The following TPR variants were observed in gnomAD, a reference collection of about 807,000 sequenced individuals.
TPR encodes the protein nucleoprotein TPR.
A neutral mutation model predicts 316.1 loss-of-function variants in TPR; 51 were observed. The observed-to-expected ratio is 0.16, with a 90% CI of 0.13 to 0.20. The LOEUF (loss-of-function observed/expected upper bound fraction) is 0.20. Among genes scored for constraint, TPR ranks in the 10% least tolerant of loss-of-function variants. The pLI is 1.00. For synonymous variants in TPR, 981 were observed against 914.7 expected, an observed-to-expected ratio of 1.07 and a Z score of -1.31; for missense variants, 2,272 against 2,754.8, an observed-to-expected ratio of 0.82 and a Z score of 3.92.
chr1:186,333,518 G>T, intron 36 of TPR, 124 bp from the exon 37 acceptor site: 1 of 1,116,520 alleles, frequency 9.0e-7, no homozygotes, highest in Non-Finnish European at 1.3e-6. Flanking sequence ...CAAATACATT[G>T]TAGGTAAAGG....
chr1:186,331,785 T>C (rs1658175329), intron 38 of TPR, among the ~76,000 whole-genome samples: 1 of 152,138 alleles, frequency 6.6e-6, no homozygotes, highest in Admixed American at 6.6e-5. Flanking sequence ...TAATACATGC[T>C]AATACAATTA....
chr1:186,336,752 T>C, intron 32 of TPR, 58 bp from the exon 33 acceptor site: 1 of 1,523,446 alleles, frequency 6.6e-7, no homozygotes, highest in Non-Finnish European at 8.9e-7. Flanking sequence ...ATAAACTGTA[T>C]GTGGTAGCAA....
At chr1:186,324,465 TACACTGTAGCAACAAAAG>T (rs1657858992) in intron 42 of TPR, among the ~76,000 whole-genome samples, 1 of 152,162 alleles carries the variant, frequency 6.6e-6, no homozygotes, top group South Asian at 2.1e-4. Flanking sequence ...TTCTTCTACA[TACACTGTAGCAACAAAAG>T]AAGCCATCTT....
rs1657904444 is a variant in TPR, at chr1:186,325,671, CAATA to C, written c.6112+89_6112+92del. 3 of 1,009,768 alleles carry C rather than the reference CAATA, an allele frequency of 3.0e-6. No homozygotes were observed. In the African/African-American group the frequency reaches 5.0e-5, roughly 17 times the overall value. The allele number at this position is 1,009,768 out of a possible 1,614,324, so 62.6% of individuals were successfully genotyped here. On this transcript the variant is annotated intron_variant, in intron 42 of 50. Coordinates refer to ENST00000367478, the MANE Select transcript of TPR (RefSeq NM_003292.3). ...AGGGGCCAATCTCTTTTTACCAATTCAATAAATAAATTTATATATTAGAATTAAG... is the reference window on the plus strand; with the variant it reads ...AGGGGCCAATCTCTTTTTACCAATTCAATAAATTTATATATTAGAATTAAG...
chr1:186,344,027 C>T lies in TPR; in HGVS notation c.3481G>A (p.Asp1161Asn). The T allele has an allele frequency of 1.9e-6, 3 of 1,614,134 alleles. No individual in the cohort carries two copies. The highest frequency in any genetic ancestry group is 2.5e-6 in the Non-Finnish European group (3 of 1,180,010). ...DLEKQNRLLH[D>N]QIEKLSDKVV... Reference sequence around the variant, plus strand: ...TTGTCACTTAATTTTTCGATCTGATCATGAAGTAATCTGTTTTGTTTCTCC... The same window carrying T: ...TTGTCACTTAATTTTTCGATCTGATTATGAAGTAATCTGTTTTGTTTCTCC... The change falls in exon 26 of 51, where the codon GAT becomes AAT. Residue 1161 changes from aspartate to asparagine, a missense_variant. Physicochemically the swap from Asp to Asn is conservative, Grantham distance 23 (BLOSUM62 1). Around this residue, in one of 10 missense-constraint regions of TPR, gnomAD observed 757 missense variants for 859.8 expected, o/e 0.88. Coordinates refer to ENST00000367478, the MANE Select transcript of TPR (RefSeq NM_003292.3).
chr1:186,334,634 T>C, intron 35 of TPR, 101 bp from the exon 36 acceptor site: 1 of 1,225,312 alleles, frequency 8.2e-7, no homozygotes, highest in Non-Finnish European at 1.1e-6. Context: ...GTTCACTAAA[T>C]ATTTCAGAGC....
In TPR at chr1:186,319,358, G is replaced by A. The variant is rs182532418; in HGVS notation, c.6569-530C>T. On this transcript the variant is annotated intron_variant, in intron 46 of 50. Transcript: ENST00000367478. ...ATGCTACAGTACCCTTAAAACATTCGCTAAAATGCTCTTAAGAGTTTCATA... is the reference window on the plus strand; with the variant it reads ...ATGCTACAGTACCCTTAAAACATTCACTAAAATGCTCTTAAGAGTTTCATA... 2.6e-3 allele frequency among the ~76,000 whole-genome samples: 389 copies of A among 152,082 alleles called. 1 individual carries two copies. The highest frequency in any genetic ancestry group is 9.0e-3 in the African/African-American group (373 of 41,484).
At chr1:186,328,370 T>C (rs903546740) in intron 39 of TPR, among the ~76,000 whole-genome samples, 1 of 152,188 alleles carries the variant, frequency 6.6e-6, no homozygotes, top group Non-Finnish European at 1.5e-5. Context: ...ATCCAAAATA[T>C]TATTTCAACA....
At chr1:186,368,186 T>C (rs1469158375) in intron 3 of TPR, among the ~76,000 whole-genome samples, 1 of 152,232 alleles carries the variant, frequency 6.6e-6, no homozygotes, top group African/African-American at 2.4e-5. Context: ...ACTAGGCTTA[T>C]GAAAATTTTT....
chr1:186,373,864 G>A (rs920929295), intron 1 of TPR, among the ~76,000 whole-genome samples: 7 of 152,092 alleles, frequency 4.6e-5, no homozygotes, highest in Non-Finnish European at 1.0e-4. Context: ...TAGTAGTCAA[G>A]ATATTACCTG....
chr1:186,336,307 A>G (rs548414424), intron 33 of TPR, among the ~76,000 whole-genome samples, 189 bp downstream of exon 33: 31 of 152,308 alleles, frequency 2.0e-4, no homozygotes, highest in African/African-American at 7.0e-4. Flanking sequence ...CATATCAAGG[A>G]TATCCTCATC....
At chr1:186,349,831 T>C (rs1246589742) in intron 21 of TPR, among the ~76,000 whole-genome samples, 1 of 152,124 alleles carries the variant, frequency 6.6e-6, no homozygotes, top group African/African-American at 2.4e-5. Context: ...TTAAAGGAGA[T>C]CACAAATCAA....
intron 4 of TPR, among the ~76,000 whole-genome samples, chr1:186,365,351 C>T (rs955440148): frequency 3.9e-5 from 6 of 151,968 alleles, no homozygotes; most frequent in African/African-American, 1.5e-4. Context: ...CTGCCTCGGC[C>T]TCCCAAAGTG....
At chr1:186,330,465 C>T (rs932656706) in intron 39 of TPR, among the ~76,000 whole-genome samples, 4 of 152,068 alleles carry the variant, frequency 2.6e-5, no homozygotes, top group African/African-American at 4.8e-5. Context: ...TCACTCTTCA[C>T]GTAAAGAGCC....
chr1:186,357,344 G>A, intron 14 of TPR, 53 bp downstream of exon 14: 1 of 1,568,588 alleles, frequency 6.4e-7, no homozygotes, highest in Non-Finnish European at 8.7e-7. Flanking sequence ...ACTGAGCCTA[G>A]CTGAGGTTTT....
At chr1:186,343,545 G>C in intron 26 of TPR, 72 bp from the exon 27 acceptor site, 3 of 1,410,932 alleles carry the variant, frequency 2.1e-6, no homozygotes, top group Non-Finnish European at 2.9e-6. Flanking sequence ...AGGTAATTTG[G>C]TAAGATGACA....
In TPR at chr1:186,312,701, T is replaced by C; in HGVS notation, c.*1270A>G. 1 of 1,513,078 alleles carries C rather than the reference T, an allele frequency of 6.6e-7. No individual in the cohort carries two copies. 93.7% of individuals were successfully genotyped at this position (1,513,078 alleles called of 1,614,324 possible). ...TAAAACTGAGATTAAAACTCAGATG[T>C]CTGGCTCTTTCCAAGATAGTACATT... is the stretch of plus-strand genomic sequence containing the variant. On this transcript the variant is annotated 3_prime_UTR_variant, in exon 51 of 51. Transcript: ENST00000367478.
chr1:186,320,973 T>G (rs1371835803), intron 45 of TPR, among the ~76,000 whole-genome samples: 2 of 152,220 alleles, frequency 1.3e-5, no homozygotes, highest in Admixed American at 1.3e-4. Context: ...AAACTTAGCA[T>G]TATTTAACTC....
intron 15 of TPR, 96 bp from the exon 16 acceptor site, chr1:186,355,864 C>T (rs1035818074): frequency 1.0e-5 from 14 of 1,389,074 alleles, no homozygotes; most frequent in Non-Finnish European, 1.3e-5. Flanking sequence ...ATCAAATAAA[C>T]AAGCTAAACT....
Sources: allele counts gnomAD v4.1 joint callset (sites outside exome capture counted in the v4.1 genomes callset), GRCh38; gene constraint gnomAD v4.1.1; regional missense constraint gnomAD v4.1.1; transcripts MANE v1.5; gene names NCBI Gene and HGNC (gene_info 2026-07-23, HGNC 2026-07-21).